ARMC8: variants seen among roughly 807,000 people sequenced by gnomAD.
The protein encoded by ARMC8 is armadillo repeat containing 8.
A neutral mutation model predicts 99.3 loss-of-function variants in ARMC8; 20 were observed. The ratio of observed to expected loss-of-function variants is 0.20; its 90% confidence interval spans 0.14 to 0.29. The LOEUF is 0.29. ARMC8 is among the 10% of genes least tolerant of loss of function. The pLI is 1.00. For synonymous variants in ARMC8, 263 were observed against 278.3 expected (o/e 0.95, Z 0.55); for missense variants, 569 against 809.5 (o/e 0.70, Z 3.60).
At chr3:138,267,275 C>T in intron 15 of ARMC8, 34 bp downstream of exon 15, 1 of 1,336,386 alleles carries the variant, frequency 7.5e-7, no homozygotes, top group Non-Finnish European at 1.0e-6. Context: ...AGACTTTGCC[C>T]AGTCCAGCTA....
At position 138,187,500 on chromosome 3, in the gene ARMC8, C is replaced by T. The variant is rs1198587035; in HGVS notation, c.-55C>T. ...CTAGCGTTGGCCAATAGTTGGCTGTCGAAAGTGCCGGCCCCCGCGCCGGCG... is the reference window on the plus strand; with the variant it reads ...CTAGCGTTGGCCAATAGTTGGCTGTTGAAAGTGCCGGCCCCCGCGCCGGCG... On this transcript the variant is annotated 5_prime_UTR_variant, in exon 1 of 22. Coordinates refer to ENST00000469044, the MANE Select transcript of ARMC8 (RefSeq NM_001363941.2). 9 of 1,530,788 alleles carry T rather than the reference C, an allele frequency of 5.9e-6. No individual in the cohort carries two copies. Among genetic ancestry groups the T allele is most frequent in the Non-Finnish European group, 5.3e-6 (6 of 1,142,418 alleles). The allele number at this position is 1,530,788 out of a possible 1,614,324, so 94.8% of individuals were successfully genotyped here.
At chr3:138,238,321 T>A (rs2046436557) in intron 9 of ARMC8, 1 of 152,282 alleles carries the variant, frequency 6.6e-6, no homozygotes, top group African/African-American at 2.4e-5. Flanking sequence ...TGCCTCGGCC[T>A]CCCAAAGTGC....
intron 14 of ARMC8, among the ~76,000 whole-genome samples, chr3:138,266,632 G>C (rs1190628349): frequency 6.6e-6 from 1 of 152,102 alleles, no homozygotes; most frequent in Non-Finnish European, 1.5e-5. Flanking sequence ...CTAGTTAGTG[G>C]AAGTGTCCAG....
At chr3:138,245,210 A>G in intron 12 of ARMC8, 27 bp downstream of exon 12, 1 of 1,614,238 alleles carries the variant, frequency 6.2e-7, no homozygotes, top group Non-Finnish European at 8.5e-7. Flanking sequence ...GGCGTCCCCC[A>G]GTCCTGACAG....
intron 2 of ARMC8, among the ~76,000 whole-genome samples, chr3:138,213,068 A>C (rs931095322): frequency 1.3e-5 from 2 of 152,210 alleles, no homozygotes; most frequent in Admixed American, 6.5e-5. Context: ...TAGGAGTTCA[A>C]ATCCTGCCTG....
intron 3 of ARMC8, 57 bp downstream of exon 3, chr3:138,222,054 T>C: frequency 7.5e-7 from 1 of 1,328,674 alleles, no homozygotes; most frequent in Non-Finnish European, 1.1e-6. Flanking sequence ...AATGTATTTC[T>C]TACTCTCAAT....
Position 138,223,402 on chromosome 3 carries a change from C to T in ARMC8, c.208C>T (p.Leu70Phe). The change falls in exon 4 of 22, where the codon CTT becomes TTT. Residue 70 changes from leucine to phenylalanine, a missense_variant. Leu to Phe is a conservative substitution (Grantham distance 22). Around this residue, in one of 2 missense-constraint regions of ARMC8, gnomAD observed 342 missense variants for 391.6 expected, o/e 0.87. Transcript: ENST00000469044. ...CCTTCTTTTTAGATTGTTGTACTTG[C>T]TTCAGCAAGAAACCTCAAGCACAGA... Reference protein sequence around the residue: ...LGAVPRLLYLLQQETSSTELK... With the variant: ...LGAVPRLLYLFQQETSSTELK... The T allele has an allele frequency of 6.2e-7, 1 of 1,613,970 alleles. No individual in the cohort carries two copies. Among genetic ancestry groups the T allele is most frequent in the Non-Finnish European group, 8.5e-7 (1 of 1,179,962 alleles).
rs375652535 is a variant in ARMC8, at chr3:138,229,990, C to T, written c.528+980C>T. 1.5e-4 allele frequency among the ~76,000 whole-genome samples: 23 copies of T among 152,222 alleles called. No homozygotes were observed. The East Asian group carries it at 4.4e-3, about 29-fold the overall frequency. ...TCCAAATAAATGAAACCTAAATCAC[C>T]CAGTTTTAGGAAGAGTTTCTACATT... is the stretch of plus-strand genomic sequence containing the variant. On this transcript the variant is annotated intron_variant, in intron 6 of 21. Coordinates refer to ENST00000469044, the MANE Select transcript of ARMC8 (RefSeq NM_001363941.2).
intron 14 of ARMC8, among the ~76,000 whole-genome samples, chr3:138,264,423 T>C (rs1187189952): frequency 2.2e-5 from 3 of 137,692 alleles, no homozygotes; most frequent in Non-Finnish European, 4.7e-5. Context: ...TTTTTTTTTT[T>C]TTTTTTTTTT....
At chr3:138,273,139 C>G in intron 17 of ARMC8, 23 bp downstream of exon 17, 1 of 1,600,184 alleles carries the variant, frequency 6.2e-7, no homozygotes, top group Non-Finnish European at 8.5e-7. Context: ...ACCCAGGCTT[C>G]CAAATTAGCT....
chr3:138,229,044 A>G (rs1453333607), intron 6 of ARMC8, 34 bp downstream of exon 6: 2 of 1,497,796 alleles, frequency 1.3e-6, no homozygotes, highest in African/African-American at 2.8e-5. Context: ...CTATAATGTA[A>G]AATCTTATTA....
At chr3:138,264,645 C>G (rs535992647) in intron 14 of ARMC8, among the ~76,000 whole-genome samples, 63 of 151,784 alleles carry the variant, frequency 4.2e-4, no homozygotes, top group African/African-American at 1.3e-3. Flanking sequence ...GTCTTGAACT[C>G]CTGACCACGT....
At chr3:138,188,120 G>A (rs930577716) in intron 1 of ARMC8, 7 of 234,582 alleles carry the variant, frequency 3.0e-5, no homozygotes, top group African/African-American at 1.6e-4. Flanking sequence ...CCTGGGCACC[G>A]GCTGAAGCAG....
intron 12 of ARMC8, among the ~76,000 whole-genome samples, chr3:138,250,224 G>A (rs1213323529): frequency 2.0e-5 from 3 of 152,122 alleles, no homozygotes; most frequent in African/African-American, 2.4e-5. Flanking sequence ...TTGTAAATAC[G>A]TGATATAATG....
chr3:138,287,761 A>G (rs1366501131), intron 19 of ARMC8: 4 of 450,550 alleles, frequency 8.9e-6, no homozygotes, highest in African/African-American at 4.0e-5. Context: ...ATAGTCCTAC[A>G]TGAGAAGATA....
At chr3:138,228,702 T>C (rs1361834457) in intron 5 of ARMC8, 1 of 532,918 alleles carries the variant, frequency 1.9e-6, no homozygotes, top group Admixed American at 2.2e-5. Flanking sequence ...TTCTCATATT[T>C]TGCTACCAGG....
intron 18 of ARMC8, among the ~76,000 whole-genome samples, chr3:138,276,915 T>C (rs1243675891): frequency 1.3e-5 from 2 of 152,178 alleles, no homozygotes; most frequent in East Asian, 1.9e-4. Context: ...CCTTTACATA[T>C]AGATTTTAAA....
At chr3:138,283,721 T>C (rs2050147065) in intron 18 of ARMC8, among the ~76,000 whole-genome samples, 1 of 152,132 alleles carries the variant, frequency 6.6e-6, no homozygotes, top group African/African-American at 2.4e-5. Context: ...ACAAGAACAG[T>C]TTTTCCTTTG....
At position 138,187,531 on chromosome 3, in the gene ARMC8, A is replaced by C; in HGVS notation, c.-24A>C. On this transcript the variant is annotated 5_prime_UTR_variant, in exon 1 of 22. Coordinates refer to ENST00000469044, the MANE Select transcript of ARMC8 (RefSeq NM_001363941.2). ...TGCCGGCCCCCGCGCCGGCGCCTGC[A>C]GCAGCCGGGTGGGAAGGCTCAAGAT... 1 of 1,535,510 alleles carries C rather than the reference A, an allele frequency of 6.5e-7. No individual in the cohort carries two copies. Among genetic ancestry groups the C allele is most frequent in the Admixed American group, 2.0e-5 (1 of 50,982 alleles).
Sources: allele counts gnomAD v4.1 joint callset (sites outside exome capture counted in the v4.1 genomes callset), GRCh38; gene constraint gnomAD v4.1.1; regional missense constraint gnomAD v4.1.1; transcripts MANE v1.5; gene names NCBI Gene and HGNC (gene_info 2026-07-23, HGNC 2026-07-21).